The following RUFY3 variants were observed in gnomAD, a reference collection of about 807,000 sequenced individuals.
RUFY3 encodes protein RUFY3.
RUFY3 carries 34 observed loss-of-function variants against 84.0 expected under a neutral mutation model. That is an observed-to-expected ratio of 0.40 (90% confidence interval 0.31 to 0.54). The LOEUF is 0.54. Ranked by LOEUF, RUFY3 falls within the 20% of genes least tolerant of loss-of-function variation. The pLI, the probability that RUFY3 is intolerant of heterozygous loss-of-function variation, is 0.39. For missense variants in RUFY3, 507 were observed against 736.8 expected, an observed-to-expected ratio of 0.69 and a Z score of 3.61; for synonymous variants, 242 against 252.9, an observed-to-expected ratio of 0.96 and a Z score of 0.41.
chr4:70,733,279 A>G (rs1289775665), intron 1 of RUFY3, among the ~76,000 whole-genome samples: 2 of 152,212 alleles, frequency 1.3e-5, no homozygotes, highest in Non-Finnish European at 2.9e-5. Flanking sequence ...GACCGACTGT[A>G]TATTATTTGG....
At chr4:70,752,292 A>T (rs1232349600) in intron 1 of RUFY3, among the ~76,000 whole-genome samples, 1 of 151,380 alleles carries the variant, frequency 6.6e-6, no homozygotes, top group Non-Finnish European at 1.5e-5. Flanking sequence ...TGCCAAACTC[A>T]TTTTATGTAC....
At chr4:70,768,136 C>T (rs77156180) in intron 4 of RUFY3, among the ~76,000 whole-genome samples, 3,609 of 152,184 alleles carry the variant, frequency 0.024, 127 homozygotes, top group East Asian at 0.16. Flanking sequence ...TGCCGAGCTA[C>T]CAAACAAATG....
chr4:70,718,763 G>T (rs1560442094), upstream of RUFY3, among the ~76,000 whole-genome samples: 1 of 151,964 alleles, frequency 6.6e-6, no homozygotes, highest in African/African-American at 2.4e-5. Context: ...AGTTTCACAG[G>T]CTGGAGTGCA....
intron 14 of RUFY3, among the ~76,000 whole-genome samples, chr4:70,798,813 A>G (rs569346553): frequency 9.2e-5 from 14 of 151,940 alleles, no homozygotes; most frequent in African/African-American, 3.1e-4. Context: ...CTCCAAAACA[A>G]ACAAACAAAA....
chr4:70,760,253 A>G (rs765455088), intron 1 of RUFY3, among the ~76,000 whole-genome samples: 4 of 152,232 alleles, frequency 2.6e-5, no homozygotes, highest in Non-Finnish European at 4.4e-5. Flanking sequence ...GTATAAATCT[A>G]TCACTACTTC....
At chr4:70,730,881 T>C (rs1719144117) in intron 1 of RUFY3, among the ~76,000 whole-genome samples, 2 of 152,188 alleles carry the variant, frequency 1.3e-5, no homozygotes, top group Non-Finnish European at 2.9e-5. Flanking sequence ...AGTCCAACAA[T>C]AGGCCTGCGT....
chr4:70,771,292 A>G (rs1726904574), intron 5 of RUFY3, among the ~76,000 whole-genome samples: 1 of 152,132 alleles, frequency 6.6e-6, no homozygotes, highest in East Asian at 1.9e-4. Context: ...GCAAAGTGCA[A>G]TAAAATGAGG....
At chr4:70,706,801 G>A (rs1482078335) in intron 1 of RUFY3, among the ~76,000 whole-genome samples, 4 of 152,222 alleles carry the variant, frequency 2.6e-5, no homozygotes, top group African/African-American at 4.8e-5. Flanking sequence ...GCAGAAGTGA[G>A]TCTTCCTATA....
At chr4:70,760,552 C>CTGT (rs1367256933) in intron 1 of RUFY3, among the ~76,000 whole-genome samples, 8 of 149,100 alleles carry the variant, frequency 5.4e-5, no homozygotes, top group African/African-American at 2.0e-4. Flanking sequence ...CACCCCAGCT[C>CTGT]TATTTTTTTT....
intron 15 of RUFY3, among the ~76,000 whole-genome samples, chr4:70,801,154 C>G (rs1231629641): frequency 1.4e-5 from 2 of 138,462 alleles, no homozygotes; most frequent in Non-Finnish European, 3.1e-5. Context: ...AAAGACAAAA[C>G]TATGGAGACA....
chr4:70,714,630 T>C (rs905208593), intron 1 of RUFY3, among the ~76,000 whole-genome samples: 4 of 152,230 alleles, frequency 2.6e-5, no homozygotes, highest in African/African-American at 9.6e-5. Context: ...AAAAATGCCA[T>C]TGCAAGGCTA....
rs1732027359 is a variant in RUFY3 at position 70,800,056 on chromosome 4, C to T, written c.1558-85C>T. 7 of 1,299,882 alleles carry T rather than the reference C, an allele frequency of 5.4e-6. No individual in the cohort carries two copies. The East Asian group carries it at 1.7e-4, about 31-fold the overall frequency. The allele number at this position is 1,299,882 out of a possible 1,614,324, so 80.5% of individuals were successfully genotyped here. The stretch of plus-strand genomic sequence containing the variant: ...AAAGCTACTTAGCTTTATACCCAAA[C>T]TAAGGCATTGCAGAAGAAAATATTT... On this transcript the variant is annotated intron_variant, in intron 14 of 17. Transcript: ENST00000381006.
chr4:70,779,400 A>T (rs906723731), intron 8 of RUFY3, among the ~76,000 whole-genome samples: 2 of 152,192 alleles, frequency 1.3e-5, no homozygotes, highest in African/African-American at 2.4e-5. Flanking sequence ...AACTCTTAGA[A>T]AAGTCCCTAA....
intron 1 of RUFY3, chr4:70,705,321 C>T: frequency 7.5e-7 from 1 of 1,335,912 alleles, no homozygotes; most frequent in Non-Finnish European, 9.6e-7. Flanking sequence ...CATGGGGACG[C>T]CCGCGGGGAA....
In RUFY3 at chr4:70,740,462, G is replaced by A. The variant is rs180695318; in HGVS notation, c.178+17711G>A. Among the ~76,000 whole-genome samples the A allele has an allele frequency of 5.3e-5, 8 of 152,186 alleles. No individual in the cohort carries two copies. In the East Asian group the frequency reaches 1.5e-3, roughly 29 times the overall value. ...AGAGCCTTTTTCTATACAAATCTTG[G>A]AGGCTCTTCATATTTTGCTTTACTA... On this transcript the variant is annotated intron_variant, in intron 1 of 17. Transcript: ENST00000381006.
chr4:70,721,322 G>A (rs140213401), upstream of RUFY3, among the ~76,000 whole-genome samples: 1,111 of 151,820 alleles, frequency 7.3e-3, 14 homozygotes, highest in African/African-American at 0.025. Flanking sequence ...AAAAAGAAAC[G>A]TATTTTATGC....
chr4:70,763,492 T>C, intron 2 of RUFY3, 60 bp from the exon 3 acceptor site: 1 of 1,319,288 alleles, frequency 7.6e-7, no homozygotes, highest in Admixed American at 1.9e-5. Flanking sequence ...TGTGTGTGTA[T>C]TGAGAGTGCG....
At chr4:70,802,833 TA>T in intron 15 of RUFY3, 122 bp from the exon 16 acceptor site, 1 of 642,980 alleles carries the variant, frequency 1.6e-6, no homozygotes, top group Non-Finnish European at 2.7e-6. Flanking sequence ...CTAAGTAATA[TA>T]AAAGACCTAC....
intron 1 of RUFY3, among the ~76,000 whole-genome samples, chr4:70,736,152 C>CAAA (rs1020403164): frequency 1.6e-5 from 1 of 60,862 alleles, no homozygotes; most frequent in African/African-American, 6.2e-5. Context: ...GACCCTGTCT[C>CAAA]AAAAAAAAAA....
Sources: gnomAD v4.1 joint callset for allele counts (sites outside exome capture counted in the v4.1 genomes callset) on GRCh38, gnomAD v4.1.1 for gene constraint, MANE v1.5 for transcripts, NCBI Gene and HGNC (gene_info 2026-07-23, HGNC 2026-07-21) for gene names.